LRRFIP1: variants seen among roughly 807,000 people sequenced by gnomAD.
LRRFIP1 encodes leucine-rich repeat flightless-interacting protein 1.
A neutral mutation model predicts 104.4 loss-of-function variants in LRRFIP1; 62 were observed. The observed-to-expected ratio is 0.59, with a 90% CI of 0.48 to 0.73. The LOEUF (loss-of-function observed/expected upper bound fraction) is 0.73, where lower values mean the gene tolerates loss of function less well. Among genes scored for constraint, LRRFIP1 ranks in the 30% least tolerant of loss-of-function variants. The probability of loss-of-function intolerance (pLI) is 0.00; values close to 1 mark genes in which losing one functional copy is unlikely to be tolerated. For synonymous variants in LRRFIP1, 300 were observed against 299.0 expected, an observed-to-expected ratio of 1.00 and a Z score of -0.03; for missense variants, 796 against 824.5, an observed-to-expected ratio of 0.97 and a Z score of 0.42.
rs192530384 is a variant in LRRFIP1, at chr2:237,767,945, T to A, written c.1460-1998T>A. Among the ~76,000 whole-genome samples the A allele has an allele frequency of 3.3e-3, 507 of 152,364 alleles. 1 individual carries two copies. Among genetic ancestry groups the A allele is most frequent in the Admixed American group, 6.3e-3 (96 of 15,300 alleles). The stretch of plus-strand genomic sequence containing the variant: ...TGATAGTTGTACGTGGAGAAAACTT[T>A]GTCTTTCAAGAGGAAAATCCTTTTG... On this transcript the variant is annotated intron_variant, in intron 19 of 23. Coordinates refer to ENST00000308482, the MANE Select transcript of LRRFIP1 (RefSeq NM_001137550.2).
At position 237,739,317 on chromosome 2, in the gene LRRFIP1, G is replaced by A. The variant is rs760749815; in HGVS notation, c.633+8G>A. On this transcript the variant is annotated splice_region_variant and intron_variant, in intron 11 of 23. Coordinates refer to ENST00000308482, the MANE Select transcript of LRRFIP1 (RefSeq NM_001137550.2). ...GCCCGGGCCAGCCCTGTGGTAAGTC[G>A]GCCTCCTGGCCTTGCTCCTACTCAG... The A allele has an allele frequency of 9.1e-5, 141 of 1,550,044 alleles. 1 individual carries two copies. The Middle Eastern group carries it at 1.0e-3, about 11-fold the overall frequency.
intron 1 of LRRFIP1, among the ~76,000 whole-genome samples, chr2:237,699,632 G>A (rs372022092): frequency 4.6e-5 from 7 of 152,190 alleles, no homozygotes; most frequent in East Asian, 3.9e-4. Flanking sequence ...GATTACAGGC[G>A]TGAGCCACCG....
chr2:237,640,733 AGCTCTCT>A (rs1345850249), intron 1 of LRRFIP1, among the ~76,000 whole-genome samples: 2 of 152,170 alleles, frequency 1.3e-5, no homozygotes, highest in Non-Finnish European at 2.9e-5. Context: ...GGGCCTCCGC[AGCTCTCT>A]GCACGATACT....
intron 1 of LRRFIP1, among the ~76,000 whole-genome samples, chr2:237,697,422 C>T (rs2093263262): frequency 6.6e-6 from 1 of 152,214 alleles, no homozygotes; most frequent in Non-Finnish European, 1.5e-5. Flanking sequence ...ATGTTAACTA[C>T]TGCTTATGTC....
chr2:237,708,852 CT>C (rs1374856030), intron 2 of LRRFIP1: 3 of 674,570 alleles, frequency 4.4e-6, no homozygotes, highest in Non-Finnish European at 8.3e-6. Context: ...CTGAGAGGGG[CT>C]TAGAAGCCTC....
chr2:237,660,517 A>C (rs1277344905), intron 1 of LRRFIP1, among the ~76,000 whole-genome samples: 2 of 152,212 alleles, frequency 1.3e-5, no homozygotes, highest in East Asian at 3.9e-4. Context: ...TCTGCAGAGT[A>C]CAGCTGGCCA....
At chr2:237,762,702 C>T (rs777998149) in intron 19 of LRRFIP1, 1 of 1,614,158 alleles carries the variant, frequency 6.2e-7, no homozygotes, top group South Asian at 1.1e-5. Flanking sequence ...ACAGAGGACA[C>T]AGTGAAGGAC....
intron 19 of LRRFIP1, chr2:237,764,032 C>T (rs2060110959): frequency 6.2e-7 from 1 of 1,614,210 alleles, no homozygotes; most frequent in Non-Finnish European, 8.5e-7. Context: ...AGAACGATGA[C>T]TTGTCGGCAC....
intron 1 of LRRFIP1, among the ~76,000 whole-genome samples, chr2:237,640,167 G>A (rs1201597359): frequency 2.0e-5 from 3 of 152,158 alleles, no homozygotes; most frequent in Admixed American, 2.0e-4. Flanking sequence ...AATTAGTACA[G>A]AGGGGGCCAC....
chr2:237,669,913 G>T (rs557867817), intron 1 of LRRFIP1, among the ~76,000 whole-genome samples: 2 of 152,292 alleles, frequency 1.3e-5, no homozygotes, highest in Non-Finnish European at 2.9e-5. Context: ...CGTTGCTTTT[G>T]GGAGAATCAG....
At chr2:237,662,245 T>G (rs2088151022) in intron 1 of LRRFIP1, among the ~76,000 whole-genome samples, 1 of 152,170 alleles carries the variant, frequency 6.6e-6, no homozygotes, top group Non-Finnish European at 1.5e-5. Context: ...CAAATTTCTG[T>G]TTCCTTATAA....
chr2:237,708,055 C>G (rs900321700), intron 1 of LRRFIP1, among the ~76,000 whole-genome samples: 1 of 152,212 alleles, frequency 6.6e-6, no homozygotes, highest in African/African-American at 2.4e-5. Flanking sequence ...CCTCTCCAGG[C>G]CTTCACTTTC....
chr2:237,765,435 TA>T (rs60482580), intron 19 of LRRFIP1: 111,263 of 448,172 alleles, frequency 0.25, 565 homozygotes, highest in East Asian at 0.33. Flanking sequence ...ACACTGTCTC[TA>T]AAAAAAAAAA....
chr2:237,659,692 G>T (rs151159766), intron 1 of LRRFIP1, among the ~76,000 whole-genome samples: 3 of 151,308 alleles, frequency 2.0e-5, no homozygotes, highest in Non-Finnish European at 4.4e-5. Flanking sequence ...GCCTAGGCTA[G>T]AGTACAGCGG....
At chr2:237,765,997 C>T in intron 19 of LRRFIP1, 1 of 862,814 alleles carries the variant, frequency 1.2e-6, no homozygotes, top group Non-Finnish European at 1.4e-6. Flanking sequence ...GTAATATCTG[C>T]TTGGGGGTTG....
chr2:237,653,238 A>C (rs2086233446), intron 1 of LRRFIP1, among the ~76,000 whole-genome samples: 1 of 152,230 alleles, frequency 6.6e-6, no homozygotes, highest in Admixed American at 6.5e-5. Context: ...CAAAAAAGAA[A>C]AATAAAGAAA....
chr2:237,714,009 TA>T (rs1209349367), intron 2 of LRRFIP1, among the ~76,000 whole-genome samples: 1 of 152,248 alleles, frequency 6.6e-6, no homozygotes, highest in African/African-American at 2.4e-5. Flanking sequence ...ATTAGAATAA[TA>T]GCAGTATTTT....
intron 1 of LRRFIP1, among the ~76,000 whole-genome samples, chr2:237,671,542 G>A (rs1015529984): frequency 6.6e-6 from 1 of 152,148 alleles, no homozygotes; most frequent in African/African-American, 2.4e-5. Context: ...CAACTAAAGG[G>A]AACTGTGGTA....
intron 16 of LRRFIP1, 40 bp from the exon 17 acceptor site, chr2:237,757,416 T>C: frequency 7.0e-7 from 1 of 1,420,190 alleles, no homozygotes; most frequent in Non-Finnish European, 9.7e-7. Context: ...TTTCTTCCTC[T>C]TTAACCCTTT....
Sources: allele counts gnomAD v4.1 joint callset (sites outside exome capture counted in the v4.1 genomes callset), GRCh38; gene constraint gnomAD v4.1.1; transcripts MANE v1.5; gene names NCBI Gene and HGNC (gene_info 2026-07-23, HGNC 2026-07-21).